The following BFSP2 variants were observed in gnomAD, a reference collection of about 807,000 sequenced individuals.
BFSP2 encodes beaded filament structural protein 2, also known as phakinin.
In BFSP2, 38 loss-of-function variants were observed where a neutral mutation model predicts 44.9. That is an observed-to-expected ratio of 0.85 (90% confidence interval 0.65 to 1.11). BFSP2 has a LOEUF of 1.11. BFSP2 is among the 50% of genes least tolerant of loss of function. The pLI, the probability that BFSP2 is intolerant of heterozygous loss-of-function variation, is 0.00. For synonymous variants in BFSP2, 197 were observed against 209.9 expected (o/e 0.94, Z 0.53); for missense variants, 525 against 533.0 (o/e 0.99, Z 0.15).
At chr3:133,436,967 A>G (rs201275477) in intron 1 of BFSP2, among the ~76,000 whole-genome samples, 1 of 152,190 alleles carries the variant, frequency 6.6e-6, no homozygotes, top group Non-Finnish European at 1.5e-5. Context: ...AGTATTCCAT[A>G]GTGTATATGT....
Position 133,400,693 on chromosome 3 carries a change from C to A in BFSP2, c.489+121C>A. 1 of 1,438,124 alleles carries A rather than the reference C, an allele frequency of 7.0e-7. No homozygotes were observed. Among genetic ancestry groups the A allele is most frequent in the Non-Finnish European group, 9.4e-7 (1 of 1,063,298 alleles). 89.1% of individuals were successfully genotyped at this position (1,438,124 alleles called of 1,614,324 possible). A position where few individuals can be genotyped will look rare whatever the true frequency, so the allele number is the denominator to read the frequency against. ...CTGACCATAATCCCCTACACTTTCA[C>A]ACTTAAAATGGTAATGATAACAACA... On this transcript the variant is annotated intron_variant, in intron 1 of 6. Coordinates refer to ENST00000302334, the MANE Select transcript of BFSP2 (RefSeq NM_003571.4). The surrounding 1 kb of genome is among the most constrained non-coding windows in gnomAD (Gnocchi z 4.0).
chr3:133,470,690 C>T (rs772648847), intron 5 of BFSP2, among the ~76,000 whole-genome samples: 1 of 152,176 alleles, frequency 6.6e-6, no homozygotes, highest in African/African-American at 2.4e-5. Flanking sequence ...TCTACACATA[C>T]CAAGAACCTA....
chr3:133,400,093 A>C lies in BFSP2; in HGVS notation c.10A>C (p.Arg4=). The stretch of plus-strand genomic sequence containing the variant: ...AGAGGCAGAAGGGGTGATGAGTGAG[A>C]GGCGAGTGGTAGTGGACTTGCCCAC... MSE[R]RVVVDLPTSA... Residue 4 remains arginine, a synonymous_variant, in exon 1 of 7, where the codon AGG becomes CGG. Coordinates refer to ENST00000302334, the MANE Select transcript of BFSP2 (RefSeq NM_003571.4). The surrounding 1 kb of genome is among the most constrained non-coding windows in gnomAD (Gnocchi z 4.0). 1 of 1,614,144 alleles carries C rather than the reference A, an allele frequency of 6.2e-7. No individual in the cohort carries two copies. Among genetic ancestry groups the C allele is most frequent in the Non-Finnish European group, 8.5e-7 (1 of 1,180,026 alleles).
chr3:133,463,600 G>A (rs1037475245), intron 4 of BFSP2, among the ~76,000 whole-genome samples: 12 of 152,220 alleles, frequency 7.9e-5, no homozygotes, highest in Admixed American at 4.6e-4. Context: ...CCAGCTAAAT[G>A]CCCCTAGGAG....
intron 1 of BFSP2, among the ~76,000 whole-genome samples, chr3:133,417,147 CT>C (rs2073543710): frequency 7.6e-6 from 1 of 132,028 alleles, no homozygotes; most frequent in Non-Finnish European, 1.6e-5. Flanking sequence ...GCCCTCTCCC[CT>C]CTCTCATCTC....
Position 133,472,505 on chromosome 3 carries a change from A to G in BFSP2, c.1184A>G (p.Lys395Arg), listed in dbSNP as rs764150163. 1 of 1,613,256 alleles carries G rather than the reference A, an allele frequency of 6.2e-7. No homozygotes were observed. Among genetic ancestry groups the G allele is most frequent in the Admixed American group, 1.7e-5 (1 of 60,008 alleles). Reference protein sequence around the residue: ...QQERAHLLARKCQLQKDVASY... With the variant: ...QQERAHLLARRCQLQKDVASY... Reference sequence around the variant, plus strand: ...GAGCGCGCGCATCTGCTGGCCCGCAAGTGCCAGCTGCAGAAGGACGTGGCG... The same window carrying G: ...GAGCGCGCGCATCTGCTGGCCCGCAGGTGCCAGCTGCAGAAGGACGTGGCG... Residue 395 changes from lysine (K) to arginine (R), a missense_variant, in exon 6 of 7, where the codon AAG becomes AGG. Coordinates refer to ENST00000302334, the MANE Select transcript of BFSP2 (RefSeq NM_003571.4).
intron 2 of BFSP2, among the ~76,000 whole-genome samples, chr3:133,448,034 C>T (rs1231399486): frequency 6.6e-6 from 1 of 152,260 alleles, no homozygotes; most frequent in African/African-American, 2.4e-5. Context: ...TTTGCAGCCA[C>T]TCTCCTGGAG....
intron 3 of BFSP2, chr3:133,448,960 A>T: frequency 5.9e-6 from 2 of 340,250 alleles, no homozygotes; most frequent in Non-Finnish European, 5.6e-6. Flanking sequence ...ATTCTATGTC[A>T]GGTTTTTTTT....
chr3:133,448,666 C>G (rs775704482), intron 3 of BFSP2, 21 bp downstream of exon 3: 1 of 1,612,158 alleles, frequency 6.2e-7, no homozygotes, highest in Admixed American at 1.7e-5. Context: ...GCTGGGGTTG[C>G]TGGGTTGGCC....
At chr3:133,421,978 G>A (rs1249749695) in intron 1 of BFSP2, among the ~76,000 whole-genome samples, 13 of 151,832 alleles carry the variant, frequency 8.6e-5, no homozygotes, top group Admixed American at 3.3e-4. Flanking sequence ...GTGGTGGTGC[G>A]CACCTATAGT....
At chr3:133,460,077 T>C (rs2074048195) in intron 4 of BFSP2, among the ~76,000 whole-genome samples, 1 of 151,978 alleles carries the variant, frequency 6.6e-6, no homozygotes, top group Admixed American at 6.6e-5. Flanking sequence ...GGTGTACCTG[T>C]GGGAGGCAAG....
chr3:133,456,076 G>A (rs1226878759), intron 4 of BFSP2, among the ~76,000 whole-genome samples: 13 of 152,146 alleles, frequency 8.5e-5, no homozygotes. Context: ...CAAGTTGGTG[G>A]TTGCCCGGAT....
intron 5 of BFSP2, among the ~76,000 whole-genome samples, chr3:133,468,503 G>A (rs1344690747): frequency 1.3e-5 from 2 of 152,132 alleles, no homozygotes; most frequent in East Asian, 3.8e-4. Context: ...ACCCAAAAAT[G>A]GCTTCTTCAT....
chr3:133,450,178 A>T, intron 3 of BFSP2, 125 bp from the exon 4 acceptor site: 1 of 1,084,618 alleles, frequency 9.2e-7, no homozygotes, highest in Non-Finnish European at 1.4e-6. Context: ...GTCTCTGTGA[A>T]GCCTGTGTCT....
chr3:133,443,522 C>T (rs2073865343), intron 1 of BFSP2, among the ~76,000 whole-genome samples: 2 of 152,158 alleles, frequency 1.3e-5, no homozygotes, highest in Admixed American at 1.3e-4. Context: ...CAGAAAAGTA[C>T]ATCTGTGACA....
intron 4 of BFSP2, among the ~76,000 whole-genome samples, chr3:133,453,347 C>T (rs559715035): frequency 6.6e-6 from 1 of 152,288 alleles, no homozygotes; most frequent in African/African-American, 2.4e-5. Flanking sequence ...ATTTAATTAC[C>T]TTTCGGACCA....
At chr3:133,435,811 A>G (rs965852118) in intron 1 of BFSP2, among the ~76,000 whole-genome samples, 19 of 152,154 alleles carry the variant, frequency 1.2e-4, no homozygotes, top group Non-Finnish European at 1.5e-5. Context: ...TGAATTATCC[A>G]TTTGTAAACT....
rs371698476 is a variant in BFSP2 at position 133,474,898 on chromosome 3, G to A, written c.1245-71G>A. On this transcript the variant is annotated intron_variant, in intron 6 of 6. Coordinates refer to ENST00000302334, the MANE Select transcript of BFSP2 (RefSeq NM_003571.4). ...CTTTCATGAGATGGCCCCCTTTCTC[G>A]TAATCCTATTGTGATAGAATGACCG... The A allele has an allele frequency of 1.1e-3, 1,680 of 1,587,400 alleles. 4 individuals carry two copies. The highest frequency in any genetic ancestry group is 1.3e-3 in the South Asian group (120 of 90,490).
chr3:133,466,782 A>C, intron 4 of BFSP2, 46 bp from the exon 5 acceptor site: 1 of 1,595,806 alleles, frequency 6.3e-7, no homozygotes, highest in Non-Finnish European at 8.6e-7. Flanking sequence ...GGATGGGCTC[A>C]GATTTCTGAT....
Sources: allele counts gnomAD v4.1 joint callset (sites outside exome capture counted in the v4.1 genomes callset), GRCh38; gene constraint gnomAD v4.1.1; non-coding constraint Gnocchi (gnomAD v3.1); transcripts MANE v1.5; gene names NCBI Gene and HGNC (gene_info 2026-07-23, HGNC 2026-07-21).